Variants in SYNE1 observed in about 807,000 individuals in gnomAD.
The protein encoded by SYNE1 is spectrin repeat containing nuclear envelope protein 1.
SYNE1 carries 616 observed loss-of-function variants against 1,111.0 expected under a neutral mutation model. The observed-to-expected ratio is 0.55, with a 90% CI of 0.52 to 0.59. The LOEUF is 0.59. Among genes scored for constraint, SYNE1 ranks in the 20% least tolerant of loss-of-function variants. The pLI is 0.00. For missense variants in SYNE1, 10,006 were observed against 10,417.0 expected, an observed-to-expected ratio of 0.96 and a Z score of 1.72; for synonymous variants, 3,855 against 3,825.8, an observed-to-expected ratio of 1.01 and a Z score of -0.28.
intron 91 of SYNE1, chr6:152,302,351 C>T: frequency 1.9e-6 from 1 of 513,500 alleles, no homozygotes; most frequent in Non-Finnish European, 3.5e-6. Flanking sequence ...TCGCGAGAGG[C>T]CCCATATGGA....
chr6:152,561,024 T>C (rs1344425478), intron 3 of SYNE1, among the ~76,000 whole-genome samples: 1 of 152,106 alleles, frequency 6.6e-6, no homozygotes, highest in African/African-American at 2.4e-5. Flanking sequence ...CTGCCCACTC[T>C]CACAGAGTGC....
chr6:152,462,758 G>C lies in SYNE1; in HGVS notation c.2230C>G (p.Leu744Val). The part of the protein sequence containing the change: ...PLEVSFMNVK[L>V]LIQDLEDIEQ... ...CTCACCTCCAAGTCTTGAATTAATAGCTTGACATTCATAAAAGAGACTTCT... is the reference window on the plus strand; with the variant it reads ...CTCACCTCCAAGTCTTGAATTAATACCTTGACATTCATAAAAGAGACTTCT... Residue 744 changes from leucine (L) to valine (V), a missense_variant, in exon 20 of 146, where the codon CTA (leucine) becomes GTA (valine). Leu to Val is a conservative substitution (Grantham distance 32, BLOSUM62 1). This residue lies in a region of SYNE1 where 1,971 missense variants were observed against 2,084.1 expected (regional missense o/e 0.95). Transcript: ENST00000367255. The C allele has an allele frequency of 1.9e-6, 3 of 1,613,972 alleles. No individual in the cohort carries two copies. Among genetic ancestry groups the C allele is most frequent in the Non-Finnish European group, 2.5e-6 (3 of 1,179,944 alleles).
chr6:152,413,732 G>T (rs1203855148), intron 41 of SYNE1, among the ~76,000 whole-genome samples: 1 of 152,108 alleles, frequency 6.6e-6, no homozygotes, highest in Non-Finnish European at 1.5e-5. Flanking sequence ...CTGTACCTCA[G>T]AAAACATTGA....
chr6:152,218,513 T>C (rs1440906836), intron 120 of SYNE1, 110 bp from the exon 121 acceptor site: 1 of 1,237,584 alleles, frequency 8.1e-7, no homozygotes, highest in East Asian at 2.3e-5. Context: ...TTCATATTCT[T>C]GTATCAAATT....
intron 50 of SYNE1, among the ~76,000 whole-genome samples, chr6:152,396,359 G>A (rs974488686): frequency 6.6e-5 from 10 of 151,942 alleles, no homozygotes; most frequent in African/African-American, 1.9e-4. Flanking sequence ...CCTTCTAATC[G>A]TATATTCACC....
intron 145 of SYNE1, chr6:152,128,897 C>G (rs1270186117): frequency 1.3e-5 from 2 of 152,172 alleles, no homozygotes; most frequent in African/African-American, 2.4e-5. Flanking sequence ...CCGACGGTAA[C>G]GAAGCCCAAG....
In SYNE1 at chr6:152,419,701, C is replaced by T; in HGVS notation, c.5289G>A (p.Val1763=). ...CATCAAATTGCTGGTGTTCAGCAACCACAGACTGAAGAAAATTAATCCTAT... is the reference window on the plus strand; with the variant it reads ...CATCAAATTGCTGGTGTTCAGCAACTACAGACTGAAGAAAATTAATCCTAT... ...INKRINFLQS[V]VAEHQQFDEL... The change falls in exon 40 of 146, where the codon GTG becomes GTA. Residue 1763 remains valine (V), a synonymous_variant. Transcript: ENST00000367255. 6.2e-7 allele frequency: 1 copy of T among 1,613,976 alleles called. No individual in the cohort carries two copies. Among genetic ancestry groups the T allele is most frequent in the East Asian group, 2.2e-5 (1 of 44,852 alleles).
intron 124 of SYNE1, among the ~76,000 whole-genome samples, chr6:152,210,926 C>A (rs1249013739): frequency 6.6e-6 from 1 of 152,074 alleles, no homozygotes; most frequent in East Asian, 1.9e-4. Flanking sequence ...AGGTAGCAAA[C>A]CATTTTCAAA....
In SYNE1 at chr6:152,121,849, T is replaced by TAC. The variant is rs2051457269; in HGVS notation, c.*585_*586dup. ...ATTTATTACATCTAGTTTTTCTTTA[T>TAC]ACCTCTAAAAAAAAGTGCCTTTTAG... On this transcript the variant is annotated 3_prime_UTR_variant, in exon 146 of 146. Coordinates refer to ENST00000367255, the MANE Select transcript of SYNE1 (RefSeq NM_182961.4). 1 of 154,350 alleles carries TAC rather than the reference T, an allele frequency of 6.5e-6. No homozygotes were observed. The highest frequency in any genetic ancestry group is 1.4e-5 in the Non-Finnish European group (1 of 69,194). 9.6% of individuals were successfully genotyped at this position (154,350 alleles called of 1,614,324 possible).
At chr6:152,473,153 C>T (rs2098816174) in intron 14 of SYNE1, among the ~76,000 whole-genome samples, 1 of 152,096 alleles carries the variant, frequency 6.6e-6, no homozygotes, top group African/African-American at 2.4e-5. Flanking sequence ...CACTCCCTCA[C>T]CAATTTCTCA....
chr6:152,619,046 T>TCTCA lies in SYNE1; in HGVS notation c.67+9218_67+9219insTGAG, dbSNP rs369313606. 7.9e-3 allele frequency among the ~76,000 whole-genome samples: 1,071 copies of TCTCA among 135,680 alleles called. 12 individuals are homozygous for TCTCA. The highest frequency in any genetic ancestry group is 0.02 in the African/African-American group (767 of 38,556). The allele number at this position is 135,680 out of a possible 152,430, so 89.0% of individuals were successfully genotyped here. A position where few individuals can be genotyped will look rare whatever the true frequency, so the allele number is the denominator to read the frequency against. Reference sequence around the variant, plus strand: ...GAAACTAGGTATTTAGGTGTGAGAATCACACACACACACACACACACACAC... The same window carrying TCTCA: ...GAAACTAGGTATTTAGGTGTGAGAATCTCACACACACACACACACACACACACAC... On this transcript the variant is annotated intron_variant, in intron 3 of 145. Transcript: ENST00000367255.
In SYNE1 at chr6:152,154,909, C is replaced by A; in HGVS notation, c.24112G>T (p.Glu8038Ter). 6.2e-7 allele frequency: 1 copy of A among 1,614,074 alleles called. No homozygotes were observed. The highest frequency in any genetic ancestry group is 8.5e-7 in the Non-Finnish European group (1 of 1,180,004). Residue 8038 changes from glutamate to a stop codon, truncating the protein, a stop_gained, in exon 133 of 146, where the codon GAA (glutamate) becomes TAA (stop). Transcript: ENST00000367255. LOFTEE classifies it high-confidence loss of function. ...SGVIYTVAKE[E>*]LKKFEAFQRQ... ...TAGATTACCTCAAATTTCTTTAGTT[C>A]TTCCTTGGCAACTGTATAGATCACC...
At chr6:152,510,073 C>T (rs1224452928) in intron 8 of SYNE1, 120 bp downstream of exon 8, 4 of 1,044,416 alleles carry the variant, frequency 3.8e-6, no homozygotes, top group African/African-American at 1.6e-5. Context: ...GAAATAAGCG[C>T]TAAAGCAAAG....
chr6:152,501,877 G>T (rs1409809782), intron 10 of SYNE1, among the ~76,000 whole-genome samples: 1 of 152,104 alleles, frequency 6.6e-6, no homozygotes, highest in Non-Finnish European at 1.5e-5. Flanking sequence ...TTGACCTGCA[G>T]AATTCTTTAT....
intron 64 of SYNE1, among the ~76,000 whole-genome samples, chr6:152,361,394 A>C (rs2096928097): frequency 6.6e-6 from 1 of 152,204 alleles, no homozygotes; most frequent in African/African-American, 2.4e-5. Flanking sequence ...ATAACAATAG[A>C]TGGAGGCAAG....
intron 124 of SYNE1, 136 bp from the exon 125 acceptor site, chr6:152,208,342 A>G (rs556135411): frequency 1.3e-6 from 1 of 775,228 alleles, no homozygotes; most frequent in East Asian, 2.7e-5. Flanking sequence ...ATATCATGCC[A>G]TGATCTCTTA....
At chr6:152,488,336 T>C in intron 12 of SYNE1, 60 bp downstream of exon 12, 1 of 854,998 alleles carries the variant, frequency 1.2e-6, no homozygotes, top group Non-Finnish European at 1.9e-6. Flanking sequence ...TCAAATGACA[T>C]ATATAAATAT....
At chr6:152,214,365 T>G (rs1479161881) in intron 122 of SYNE1, among the ~76,000 whole-genome samples, 2 of 152,206 alleles carry the variant, frequency 1.3e-5, no homozygotes, top group Non-Finnish European at 2.9e-5. Context: ...CTTTACAATT[T>G]GAATTTCCCA....
In SYNE1 at chr6:152,316,856, A is replaced by C. The variant is rs2095738313; in HGVS notation, c.16703T>G (p.Leu5568Trp). The part of the protein sequence containing the change: ...SASQLREQYI[L>W]HQTLLEESKE... Reference sequence around the variant, plus strand: ...TATTTTTCCTAAGGTTACCTGATGCAAAATATATTGTTCCCGAAGCTGGCT... The same window carrying C: ...TATTTTTCCTAAGGTTACCTGATGCCAAATATATTGTTCCCGAAGCTGGCT... Residue 5568 changes from leucine (L) to tryptophan (W), a missense_variant, in exon 87 of 146, where the codon TTG becomes TGG. Transcript: ENST00000367255. The C allele has an allele frequency of 6.2e-7, 1 of 1,614,058 alleles. No individual in the cohort carries two copies. Among genetic ancestry groups the C allele is most frequent in the Admixed American group, 1.7e-5 (1 of 60,008 alleles).
Sources: gnomAD v4.1 joint callset for allele counts (sites outside exome capture counted in the v4.1 genomes callset) on GRCh38, gnomAD v4.1.1 for gene constraint, gnomAD v4.1.1 regional missense constraint, MANE v1.5 for transcripts, NCBI Gene and HGNC (gene_info 2026-07-23, HGNC 2026-07-21) for gene names.